The following FAM110B variants were observed in gnomAD, a reference collection of about 807,000 sequenced individuals.
FAM110B encodes protein FAM110B.
Under a neutral mutation model 20.4 loss-of-function variants are expected in FAM110B, and 6 were observed. The ratio of observed to expected loss-of-function variants is 0.29; its 90% CI spans 0.16 to 0.58. FAM110B has a LOEUF of 0.58. Among genes scored for constraint, FAM110B ranks in the 20% least tolerant of loss-of-function variants. The pLI is 0.90. For missense variants in FAM110B, 434 were observed against 498.2 expected (o/e 0.87, Z 1.23); for synonymous variants, 226 against 214.1 (o/e 1.06, Z -0.49).
intron 3 of FAM110B, among the ~76,000 whole-genome samples, chr8:58,144,008 A>G (rs913799536): frequency 6.6e-6 from 1 of 152,216 alleles, no homozygotes; most frequent in Non-Finnish European, 1.5e-5. Context: ...TCAGAACCTC[A>G]CGATTTTACA....
At chr8:58,024,656 T>C (rs1804819411) in intron 1 of FAM110B, among the ~76,000 whole-genome samples, 1 of 152,212 alleles carries the variant, frequency 6.6e-6, no homozygotes. Context: ...TCAGCCAGCA[T>C]TGAGTGAGTG....
intron 2 of FAM110B, among the ~76,000 whole-genome samples, chr8:58,069,010 T>C (rs1040540044): frequency 1.3e-5 from 2 of 152,236 alleles, no homozygotes; most frequent in African/African-American, 4.8e-5. Flanking sequence ...GATAGCTTTG[T>C]ATAGAATCAA....
chr8:58,033,688 A>G (rs6994434), intron 2 of FAM110B, among the ~76,000 whole-genome samples: 33,381 of 152,132 alleles, frequency 0.22, 5,735 homozygotes, highest in African/African-American at 0.48. Context: ...AATCATCAGA[A>G]AAATACAAAT....
intron 1 of FAM110B, among the ~76,000 whole-genome samples, chr8:58,015,720 C>T (rs35055955): frequency 0.042 from 6,308 of 151,630 alleles, 215 homozygotes; most frequent in Non-Finnish European, 0.052. Flanking sequence ...TGGTGTGTGC[C>T]TGTAATCTCA....
intron 1 of FAM110B, among the ~76,000 whole-genome samples, chr8:58,023,052 C>G (rs929008249): frequency 6.6e-6 from 1 of 152,136 alleles, no homozygotes; most frequent in African/African-American, 2.4e-5. Context: ...TAAACTTCAT[C>G]AGAACTCTCT....
chr8:57,996,626 G>A (rs945044654), intron 1 of FAM110B, among the ~76,000 whole-genome samples: 4 of 152,168 alleles, frequency 2.6e-5, no homozygotes, highest in African/African-American at 9.6e-5. Context: ...TTGTCTTTAA[G>A]AGCCTAATTG....
chr8:58,119,808 A>G (rs1011040346), intron 3 of FAM110B, among the ~76,000 whole-genome samples: 1 of 152,192 alleles, frequency 6.6e-6, no homozygotes, highest in Non-Finnish European at 1.5e-5. Flanking sequence ...TACTGACTGC[A>G]CTCGGCATGC....
chr8:58,118,589 G>A (rs1461113508), intron 3 of FAM110B, among the ~76,000 whole-genome samples: 1 of 152,160 alleles, frequency 6.6e-6, no homozygotes, highest in East Asian at 1.9e-4. Context: ...AGCTGCTGCT[G>A]CTTCCAAAGT....
intron 3 of FAM110B, among the ~76,000 whole-genome samples, chr8:58,080,702 C>T (rs1806166054): frequency 6.6e-6 from 1 of 152,210 alleles, no homozygotes; most frequent in Admixed American, 6.5e-5. Flanking sequence ...ATTCTGGTAT[C>T]ATGTGTGTGT....
chr8:58,077,547 T>C (rs1434880137), intron 3 of FAM110B, among the ~76,000 whole-genome samples: 3 of 152,164 alleles, frequency 2.0e-5, no homozygotes, highest in African/African-American at 7.2e-5. Context: ...AGTAACCAGT[T>C]GGATGGACTG....
chr8:58,121,419 T>G (rs530209649), intron 3 of FAM110B, among the ~76,000 whole-genome samples: 32 of 152,336 alleles, frequency 2.1e-4, no homozygotes, highest in Admixed American at 9.8e-4. Context: ...CTTCATTTAG[T>G]AAGTTTTGAA....
chr8:58,076,134 A>T (rs552384158), intron 3 of FAM110B, among the ~76,000 whole-genome samples: 3 of 152,064 alleles, frequency 2.0e-5, no homozygotes, highest in African/African-American at 7.2e-5. Context: ...ATTTTTAAAA[A>T]TTTTTTCATA....
chr8:58,111,635 A>T (rs1176895913), intron 3 of FAM110B, among the ~76,000 whole-genome samples: 1 of 152,256 alleles, frequency 6.6e-6, no homozygotes. Flanking sequence ...TAATTTAAAA[A>T]AAGAAAAAAA....
At chr8:58,136,327 C>A (rs1171966479) in intron 3 of FAM110B, among the ~76,000 whole-genome samples, 1 of 152,010 alleles carries the variant, frequency 6.6e-6, no homozygotes, top group Non-Finnish European at 1.5e-5. Context: ...GTCTTATAAA[C>A]TCTGTGACTG....
intron 2 of FAM110B, among the ~76,000 whole-genome samples, chr8:58,057,877 G>A (rs991077020): frequency 1.3e-5 from 2 of 152,252 alleles, no homozygotes; most frequent in Non-Finnish European, 2.9e-5. Context: ...CTCGGCTGTC[G>A]CTAAATGATT....
chr8:58,114,882 G>A (rs1036907779), intron 3 of FAM110B, among the ~76,000 whole-genome samples: 2 of 152,182 alleles, frequency 1.3e-5, no homozygotes, highest in Non-Finnish European at 2.9e-5. Context: ...AACCCAGCAA[G>A]TTATCTCAGC....
At chr8:58,079,613 C>CA (rs950663817) in intron 3 of FAM110B, among the ~76,000 whole-genome samples, 6 of 151,388 alleles carry the variant, frequency 4.0e-5, no homozygotes, top group African/African-American at 9.7e-5. Flanking sequence ...CCTGTCTCTA[C>CA]AAAAAAAAAT....
intron 1 of FAM110B, among the ~76,000 whole-genome samples, chr8:58,024,299 C>A (rs1471636874): frequency 6.6e-6 from 1 of 151,224 alleles, no homozygotes; most frequent in South Asian, 2.1e-4. Context: ...ATGTGAGGAG[C>A]ATTATAGAGA....
chr8:58,131,181 T>C (rs905822214), intron 3 of FAM110B, among the ~76,000 whole-genome samples: 3 of 152,242 alleles, frequency 2.0e-5, no homozygotes, highest in Non-Finnish European at 4.4e-5. Flanking sequence ...AAATTTTTGG[T>C]CACATTTTAA....
Sources: gnomAD v4.1 joint callset for allele counts (sites outside exome capture counted in the v4.1 genomes callset) on GRCh38, gnomAD v4.1.1 for gene constraint, MANE v1.5 for transcripts, NCBI Gene and HGNC (gene_info 2026-07-23, HGNC 2026-07-21) for gene names.